MFSD11: variants seen among roughly 807,000 people sequenced by gnomAD.
MFSD11 encodes major facilitator superfamily domain containing 11.
MFSD11 carries 36 observed loss-of-function variants against 53.5 expected under a neutral mutation model. The ratio of observed to expected loss-of-function variants is 0.67; its 90% CI spans 0.52 to 0.89. The LOEUF (loss-of-function observed/expected upper bound fraction) is 0.89, where lower values mean the gene tolerates loss of function less well. MFSD11 is among the 40% of genes least tolerant of loss of function. MFSD11 has a pLI of 0.00. For synonymous variants in MFSD11, 186 were observed against 184.9 expected, an observed-to-expected ratio of 1.01 and a Z score of -0.05; for missense variants, 530 against 543.9, an observed-to-expected ratio of 0.97 and a Z score of 0.25.
upstream of MFSD11, chr17:76,737,318 C>T (rs2077564269): frequency 1.3e-5 from 14 of 1,065,350 alleles, no homozygotes; most frequent in Middle Eastern, 6.3e-4. Flanking sequence ...GGCTAGCGCA[C>T]CTGAGTAACA....
chr17:76,795,082 A>T, the MFSD11 span, among the ~76,000 whole-genome samples: 1 of 152,210 alleles, frequency 6.6e-6, no homozygotes, highest in South Asian at 2.1e-4. Flanking sequence ...TGGGGAAAAA[A>T]ATTGTATCTG....
the MFSD11 span, among the ~76,000 whole-genome samples, chr17:76,791,882 G>A: frequency 1.5e-5 from 2 of 134,782 alleles, no homozygotes; most frequent in Non-Finnish European, 3.1e-5. Context: ...CCCCCGCCCC[G>A]AGAGATCAAC....
At chr17:76,737,768 T>G (rs1163970718), upstream of MFSD11, 2 of 161,034 alleles carry the variant, frequency 1.2e-5, no homozygotes, top group African/African-American at 4.8e-5. Context: ...CCCCTCAGAC[T>G]CCGCTGCGTC....
At position 76,778,616 on chromosome 17, in the gene MFSD11, A is replaced by G. The variant is rs1485843307; in HGVS notation, c.*264A>G. On this transcript the variant is annotated 3_prime_UTR_variant, in exon 13 of 13. Coordinates refer to ENST00000685175, the MANE Select transcript of MFSD11 (RefSeq NM_001242532.5). ...TTTCATTTCATCTATCTCAATTCTT[A>G]TAATCATGTTATAGAATGTAAATGT... is the stretch of plus-strand genomic sequence containing the variant. 5.1e-6 allele frequency: 2 copies of G among 395,646 alleles called. No individual in the cohort carries two copies. The highest frequency in any genetic ancestry group is 8.1e-5 in the East Asian group (2 of 24,610). 24.5% of individuals were successfully genotyped at this position (395,646 alleles called of 1,614,324 possible).
rs778698490 is a variant in MFSD11 at position 76,740,996 on chromosome 17, G to C, written c.192G>C (p.Leu64Phe). Residue 64 changes from leucine (L) to phenylalanine (F), a missense_variant, in exon 3 of 13, where the codon TTG becomes TTC. Transcript: ENST00000685175. The part of the protein sequence containing the change: ...IIYGVFSASN[L>F]ITPSVVAIVG... Reference sequence around the variant, plus strand: ...ATGGAGTGTTCTCTGCTTCAAATTTGATTACACCGTCAGTGGTTGCCATTG... The same window carrying C: ...ATGGAGTGTTCTCTGCTTCAAATTTCATTACACCGTCAGTGGTTGCCATTG... 6 of 1,584,896 alleles carry C rather than the reference G, an allele frequency of 3.8e-6. No homozygotes were observed.
intron 7 of MFSD11, among the ~76,000 whole-genome samples, chr17:76,753,230 A>G (rs907431705): frequency 6.6e-6 from 1 of 152,080 alleles, no homozygotes; most frequent in South Asian, 2.1e-4. Flanking sequence ...GCTAACTTCA[A>G]GAAAGCCTTC....
the MFSD11 span, among the ~76,000 whole-genome samples, chr17:76,793,289 G>A: frequency 4.0e-5 from 6 of 151,328 alleles, no homozygotes; most frequent in African/African-American, 1.5e-4. Context: ...CCACACCCAA[G>A]GGGGCCATTT....
Position 76,738,991 on chromosome 17 carries a change from C to G in MFSD11, c.150C>G (p.Thr50=). 1 of 1,612,146 alleles carries G rather than the reference C, an allele frequency of 6.2e-7. No homozygotes were observed. Among genetic ancestry groups the G allele is most frequent in the South Asian group, 1.1e-5 (1 of 91,018 alleles). The change falls in exon 2 of 13, where the codon ACC becomes ACG. Residue 50 remains threonine, a splice_region_variant and synonymous_variant. Coordinates refer to ENST00000685175, the MANE Select transcript of MFSD11 (RefSeq NM_001242532.5). ...CAGATTTTCACGGCAGTGGATATAC[C>G]AGGTATTGTACCGTATGATTGATTT... ...NRTDFHGSGY[T]SMAIIYGVFS... is the part of the protein sequence containing the mutation.
chr17:76,751,021 A>C (rs934900843), intron 7 of MFSD11, among the ~76,000 whole-genome samples: 1 of 151,194 alleles, frequency 6.6e-6, no homozygotes, highest in Non-Finnish European at 1.5e-5. Flanking sequence ...GGCTGGTCTC[A>C]AACTCCTTAC....
chr17:76,795,256 C>T, the MFSD11 span, among the ~76,000 whole-genome samples: 6 of 140,378 alleles, frequency 4.3e-5, no homozygotes, highest in East Asian at 4.3e-4. Context: ...CTGAGGCGGG[C>T]GGATCACCCA....
At chr17:76,762,414 C>G (rs1026050348) in intron 8 of MFSD11, among the ~76,000 whole-genome samples, 5 of 152,134 alleles carry the variant, frequency 3.3e-5, no homozygotes, top group South Asian at 2.1e-4. Context: ...GGCTGAGCAT[C>G]CGGGCAGCTT....
Position 76,738,402 on chromosome 17 carries a change from C to G in MFSD11, c.50C>G (p.Ala17Gly). Reference protein sequence around the residue: ...KLFNIIILGVAFMFMFTAFQT... With the variant: ...KLFNIIILGVGFMFMFTAFQT... Reference sequence around the variant, plus strand: ...TTCAACATCATTATTTTAGGAGTTGCCTTTATGTTTATGTTCACTGCCTTT... The same window carrying G: ...TTCAACATCATTATTTTAGGAGTTGGCTTTATGTTTATGTTCACTGCCTTT... The change falls in exon 1 of 13, where the codon GCC (alanine) becomes GGC (glycine). Residue 17 changes from alanine to glycine, a missense_variant. Physicochemically the swap from Ala to Gly is moderately conservative, Grantham distance 60. Coordinates refer to ENST00000685175, the MANE Select transcript of MFSD11 (RefSeq NM_001242532.5). 2 of 1,614,078 alleles carry G rather than the reference C, an allele frequency of 1.2e-6. No individual in the cohort carries two copies. The highest frequency in any genetic ancestry group is 1.7e-6 in the Non-Finnish European group (2 of 1,179,978).
chr17:76,739,004 G>A lies in MFSD11; in HGVS notation c.152+11G>A, dbSNP rs761144932. 8.1e-6 allele frequency: 13 copies of A among 1,607,224 alleles called. No individual in the cohort carries two copies. Among genetic ancestry groups the A allele is most frequent in the African/African-American group, 1.3e-5 (1 of 74,750 alleles). ...CAGTGGATATACCAGGTATTGTACC[G>A]TATGATTGATTTTGCTTTATATTTG... On this transcript the variant is annotated intron_variant, in intron 2 of 12. Coordinates refer to ENST00000685175, the MANE Select transcript of MFSD11 (RefSeq NM_001242532.5).
chr17:76,739,379 C>T (rs1332969225), intron 2 of MFSD11, among the ~76,000 whole-genome samples: 2 of 152,132 alleles, frequency 1.3e-5, no homozygotes, highest in Non-Finnish European at 2.9e-5. Context: ...AACATTTGGT[C>T]CTTCTGTTTT....
chr17:76,753,964 G>C, intron 7 of MFSD11, 83 bp from the exon 8 acceptor site: 1 of 1,200,144 alleles, frequency 8.3e-7, no homozygotes, highest in Non-Finnish European at 1.2e-6. Context: ...GGGTTTTTAC[G>C]AACGTAAATG....
chr17:76,779,621 A>T (rs1026531747), downstream of MFSD11, among the ~76,000 whole-genome samples: 6 of 152,078 alleles, frequency 3.9e-5, no homozygotes, highest in African/African-American at 1.4e-4. Context: ...ACTAGCTAGG[A>T]TTACAGGCAT....
chr17:76,785,478 C>T (rs2082263127), downstream of MFSD11, among the ~76,000 whole-genome samples: 1 of 151,764 alleles, frequency 6.6e-6, no homozygotes, highest in African/African-American at 2.4e-5. Context: ...CTTGGGACCA[C>T]AAGCGCATCC....
chr17:76,793,662 A>G, the MFSD11 span, among the ~76,000 whole-genome samples: 8 of 151,682 alleles, frequency 5.3e-5, no homozygotes, highest in South Asian at 1.5e-3. Context: ...TGATTGGGGA[A>G]GTGATAAGTG....
At chr17:76,788,644 G>A in the MFSD11 span, among the ~76,000 whole-genome samples, 1 of 149,266 alleles carries the variant, frequency 6.7e-6, no homozygotes. Flanking sequence ...GAGGTCAGGA[G>A]TTCGAGACCA....
Sources: gnomAD v4.1 joint callset for allele counts (sites outside exome capture counted in the v4.1 genomes callset) on GRCh38, gnomAD v4.1.1 for gene constraint, MANE v1.5 for transcripts, NCBI Gene and HGNC (gene_info 2026-07-23, HGNC 2026-07-21) for gene names.